The following ZC3H18 variants were observed in gnomAD, a reference collection of about 807,000 sequenced individuals.
ZC3H18 encodes the protein zinc finger CCCH-type containing 18.
ZC3H18 carries 8 observed loss-of-function variants against 106.1 expected under a neutral mutation model. The observed-to-expected ratio is 0.08, with a 90% CI of 0.04 to 0.14. The LOEUF (loss-of-function observed/expected upper bound fraction) is 0.14. Ranked by LOEUF, ZC3H18 falls within the 10% of genes least tolerant of loss-of-function variation. ZC3H18 has a pLI of 1.00. For missense variants in ZC3H18, 1,318 were observed against 1,278.4 expected, an observed-to-expected ratio of 1.03 and a Z score of -0.47; for synonymous variants, 635 against 522.1, an observed-to-expected ratio of 1.22 and a Z score of -2.95.
At chr16:88,623,734 C>T in intron 10 of ZC3H18, 1 of 763,470 alleles carries the variant, frequency 1.3e-6, no homozygotes, top group Non-Finnish European at 2.0e-6. Context: ...ACACTCGCCT[C>T]CCGGAGGACC....
At chr16:88,594,559 A>G (rs7187881) in intron 3 of ZC3H18, among the ~76,000 whole-genome samples, 131,892 of 152,196 alleles carry the variant, frequency 0.87, 57,343 homozygotes, top group East Asian at 0.95. Flanking sequence ...GTTGGTTGCT[A>G]CTGAGCATGC....
In ZC3H18 at chr16:88,623,985, C is replaced by A. The variant is rs199711218; in HGVS notation, c.1821C>A (p.Ser607=). 9.3e-6 allele frequency: 15 copies of A among 1,613,404 alleles called. 1 individual carries two copies. In the African/African-American group the frequency reaches 1.6e-4, roughly 17 times the overall value. ...SRSRSFSSSP[S]PSPTPSPHRP... ...CCCGGTCCTTCTCTTCGTCCCCGTC[C>A]CCGTCCCCAACACCTTCCCCACATA... Residue 607 remains serine (S), a synonymous_variant, in exon 11 of 18, where the codon TCC becomes TCA. Transcript: ENST00000301011.
intron 8 of ZC3H18, among the ~76,000 whole-genome samples, chr16:88,619,281 A>G (rs1368625023): frequency 6.6e-6 from 1 of 152,196 alleles, no homozygotes; most frequent in Non-Finnish European, 1.5e-5. Flanking sequence ...CTCAAAAAAA[A>G]GAAAAAAGGA....
chr16:88,586,573 A>G (rs1915447837), intron 2 of ZC3H18, 27 bp from the exon 3 acceptor site: 4 of 1,603,146 alleles, frequency 2.5e-6, no homozygotes, highest in Non-Finnish European at 2.6e-6. Flanking sequence ...TGCCTCCCCC[A>G]CGCTAAGACG....
At chr16:88,628,563 G>T (rs1431021613) in intron 15 of ZC3H18, 195 bp from the exon 16 acceptor site, 5 of 603,984 alleles carry the variant, frequency 8.3e-6, no homozygotes, top group African/African-American at 1.9e-5. Context: ...AACGTGAAGG[G>T]CCCCAAGTGC....
intron 15 of ZC3H18, chr16:88,628,516 G>A (rs531167188): frequency 1.6e-5 from 9 of 559,960 alleles, no homozygotes; most frequent in East Asian, 6.1e-5. Context: ...AGTGGCCCCC[G>A]TGGGGAGCAG....
chr16:88,623,099 C>T, intron 9 of ZC3H18, 120 bp from the exon 10 acceptor site: 1 of 1,421,310 alleles, frequency 7.0e-7, no homozygotes, highest in Non-Finnish European at 9.4e-7. Flanking sequence ...GCGTGCGCAG[C>T]TGTGCGCTTG....
intron 3 of ZC3H18, among the ~76,000 whole-genome samples, chr16:88,588,096 G>A (rs1014321378): frequency 6.6e-6 from 1 of 152,148 alleles, no homozygotes; most frequent in Admixed American, 6.5e-5. Flanking sequence ...AGAAATGTGC[G>A]GTACGTTTTG....
intron 12 of ZC3H18, 32 bp from the exon 13 acceptor site, chr16:88,625,170 C>A (rs1209298257): frequency 1.2e-5 from 18 of 1,558,286 alleles, no homozygotes; most frequent in Non-Finnish European, 1.3e-5. Context: ...GGAGGCCACG[C>A]CCCCTGAGCC....
intron 11 of ZC3H18, 117 bp downstream of exon 11, chr16:88,624,179 G>T: frequency 7.0e-7 from 1 of 1,426,116 alleles, no homozygotes; most frequent in South Asian, 1.3e-5. Context: ...GGATGCCTCA[G>T]GGGGCTGGCC....
chr16:88,625,594 T>G, intron 13 of ZC3H18: 1 of 351,864 alleles, frequency 2.8e-6, no homozygotes, highest in Non-Finnish European at 5.3e-6. Context: ...AGCCGGCAGC[T>G]TCCAGCCCAG....
At chr16:88,616,224 ACT>A (rs1213971565) in intron 8 of ZC3H18, among the ~76,000 whole-genome samples, 5 of 151,900 alleles carry the variant, frequency 3.3e-5, no homozygotes, top group African/African-American at 1.2e-4. Context: ...GGTTCAGGAA[ACT>A]CTGTACTAAA....
At chr16:88,597,697 G>C (rs1299751499) in intron 3 of ZC3H18, among the ~76,000 whole-genome samples, 1 of 152,202 alleles carries the variant, frequency 6.6e-6, no homozygotes, top group Non-Finnish European at 1.5e-5. Context: ...TTCTCTGTGA[G>C]AGAAATGCAG....
Position 88,622,325 on chromosome 16 carries a change from C to A in ZC3H18, c.1604C>A (p.Pro535Gln). ...PKKKLGVSVS[P>Q]SRARRRRKTS... is the part of the protein sequence containing the mutation. ...AAGAAACTCGGGGTGTCGGTCTCCC[C>A]GAGCCGGGCTCGAAGGCGTCGGAAA... Residue 535 changes from proline to glutamine, a missense_variant, in exon 9 of 18, where the codon CCG (proline) becomes CAG (glutamine). Pro to Gln is a moderately conservative substitution (Grantham distance 76). Coordinates refer to ENST00000301011, the MANE Select transcript of ZC3H18 (RefSeq NM_144604.4). 6.2e-7 allele frequency: 1 copy of A among 1,613,750 alleles called. No homozygotes were observed. The highest frequency in any genetic ancestry group is 8.5e-7 in the Non-Finnish European group (1 of 1,179,858).
chr16:88,579,332 T>A (rs1262750505), intron 2 of ZC3H18, among the ~76,000 whole-genome samples: 1 of 152,100 alleles, frequency 6.6e-6, no homozygotes, highest in Non-Finnish European at 1.5e-5. Flanking sequence ...AGTTTTTGTG[T>A]CCTGGGGGTA....
At position 88,623,221 on chromosome 16, in the gene ZC3H18, C is replaced by T. The variant is rs1299875012; in HGVS notation, c.1670C>T (p.Ser557Leu). ...ACGCTCCGTCCCGCCCGCCCCAGGT[C>T]GTCTTCGCGGTCATCGTCCTACTCT... ...SSASASNSSR[S>L]SSRSSSYSGS... Residue 557 changes from serine to leucine, a missense_variant and splice_region_variant, in exon 10 of 18, where the codon TCG (serine) becomes TTG (leucine). This residue lies in a region of ZC3H18 where 848 missense variants were observed against 821.7 expected (regional missense o/e 1.03). Transcript: ENST00000301011. The T allele has an allele frequency of 6.8e-6, 11 of 1,612,436 alleles. No homozygotes were observed. Among genetic ancestry groups the T allele is most frequent in the Non-Finnish European group, 6.8e-6 (8 of 1,179,844 alleles).
At position 88,596,976 on chromosome 16, in the gene ZC3H18, A is replaced by G. The variant is rs138206844; in HGVS notation, c.689-1202A>G. Among the ~76,000 whole-genome samples the G allele has an allele frequency of 3.1e-3, 474 of 152,292 alleles. 2 individuals carry two copies. The highest frequency in any genetic ancestry group is 0.011 in the African/African-American group (438 of 41,570). On this transcript the variant is annotated intron_variant, in intron 3 of 17. Coordinates refer to ENST00000301011, the MANE Select transcript of ZC3H18 (RefSeq NM_144604.4). Reference sequence around the variant, plus strand: ...CGCTCTGTTGCCCAGGCTGGAGTGCAGTGGCACGATCTCGGCTCACTGCAA... The same window carrying G: ...CGCTCTGTTGCCCAGGCTGGAGTGCGGTGGCACGATCTCGGCTCACTGCAA...
intron 2 of ZC3H18, among the ~76,000 whole-genome samples, chr16:88,579,728 G>A (rs572813892): frequency 2.6e-5 from 4 of 152,234 alleles, no homozygotes; most frequent in South Asian, 2.1e-4. Context: ...AGTTGAAAAC[G>A]GAGTGCTGCT....
intron 3 of ZC3H18, among the ~76,000 whole-genome samples, chr16:88,592,724 G>T (rs1157054625): frequency 6.6e-6 from 1 of 152,152 alleles, no homozygotes; most frequent in East Asian, 1.9e-4. Context: ...TGATCCGACC[G>T]CCTTGGCCTC....
Sources: gnomAD v4.1 joint callset for allele counts (sites outside exome capture counted in the v4.1 genomes callset) on GRCh38, gnomAD v4.1.1 for gene constraint, gnomAD v4.1.1 regional missense constraint, MANE v1.5 for transcripts, NCBI Gene and HGNC (gene_info 2026-07-23, HGNC 2026-07-21) for gene names.